Variants in NRXN3 observed in about 807,000 individuals in gnomAD.
NRXN3 encodes neurexin 3, also known as neurexin III.
NRXN3 carries 32 observed loss-of-function variants against 137.6 expected under a neutral mutation model. The observed-to-expected ratio is 0.23, with a 90% CI of 0.18 to 0.31. NRXN3 has a LOEUF of 0.31. Ranked by LOEUF, NRXN3 falls within the 10% of genes least tolerant of loss-of-function variation. NRXN3 has a pLI of 1.00. For synonymous variants in NRXN3, 798 were observed against 784.5 expected (o/e 1.02, Z -0.29); for missense variants, 1,574 against 2,062.5 (o/e 0.76, Z 4.59).
intron 4 of NRXN3, among the ~76,000 whole-genome samples, chr14:78,387,679 A>G (rs1217293444): frequency 6.6e-6 from 1 of 152,202 alleles, no homozygotes; most frequent in East Asian, 1.9e-4. Flanking sequence ...CTTTCTTGCC[A>G]TCTTCCATCC....
intron 10 of NRXN3, among the ~76,000 whole-genome samples, chr14:78,824,784 T>C (rs993270806): frequency 6.6e-6 from 1 of 152,154 alleles, no homozygotes; most frequent in Non-Finnish European, 1.5e-5. Context: ...TATTTCATTG[T>C]ACATTTAGAA....
At chr14:79,832,069 G>A (rs943221565) in intron 20 of NRXN3, among the ~76,000 whole-genome samples, 2 of 152,082 alleles carry the variant, frequency 1.3e-5, no homozygotes, top group African/African-American at 4.8e-5. Flanking sequence ...GGTGCAGTGT[G>A]TACATATAAC....
chr14:79,631,438 C>T (rs986417240), intron 16 of NRXN3, among the ~76,000 whole-genome samples: 3 of 152,208 alleles, frequency 2.0e-5, no homozygotes, highest in Non-Finnish European at 4.4e-5. Context: ...CCTCTGCTGG[C>T]GGGGAGGTGT....
chr14:79,851,655 G>A (rs986926043), intron 20 of NRXN3, among the ~76,000 whole-genome samples: 7 of 152,030 alleles, frequency 4.6e-5, no homozygotes, highest in Admixed American at 2.6e-4. Context: ...TTTGTGGTTC[G>A]CCTACCTGGG....
intron 4 of NRXN3, among the ~76,000 whole-genome samples, chr14:78,410,361 C>G (rs6574441): frequency 0.43 from 65,145 of 152,050 alleles, 14,253 homozygotes; most frequent in Middle Eastern, 0.6. Context: ...TCTATAATAC[C>G]TATGTTTCCT....
At chr14:79,631,435 TGGCGGGGA>T (rs956283562) in intron 16 of NRXN3, among the ~76,000 whole-genome samples, 3 of 152,216 alleles carry the variant, frequency 2.0e-5, no homozygotes, top group Admixed American at 1.3e-4. Flanking sequence ...TGCCCTCTGC[TGGCGGGGA>T]GGTGTGGAGA....
intron 16 of NRXN3, among the ~76,000 whole-genome samples, chr14:79,660,214 A>G (rs2098526935): frequency 6.6e-6 from 1 of 152,174 alleles, no homozygotes; most frequent in Admixed American, 6.6e-5. Context: ...GGGCAACTCT[A>G]TGGGTATTCG....
intron 10 of NRXN3, among the ~76,000 whole-genome samples, chr14:78,835,316 A>G (rs1002566703): frequency 6.6e-6 from 1 of 152,144 alleles, no homozygotes; most frequent in Non-Finnish European, 1.5e-5. Flanking sequence ...GCTGAAACGG[A>G]TTCGACCAGC....
chr14:79,728,543 G>T (rs370892104), intron 19 of NRXN3, among the ~76,000 whole-genome samples: 1 of 152,218 alleles, frequency 6.6e-6, no homozygotes, highest in Non-Finnish European at 1.5e-5. Context: ...GCAGCAGGAA[G>T]ACTTTGAAGG....
intron 15 of NRXN3, among the ~76,000 whole-genome samples, chr14:79,104,731 T>C (rs2052047881): frequency 6.6e-6 from 1 of 152,162 alleles, no homozygotes; most frequent in Non-Finnish European, 1.5e-5. Flanking sequence ...TAATCATCAC[T>C]TTCCTATTTA....
intron 15 of NRXN3, among the ~76,000 whole-genome samples, chr14:79,412,650 AC>A (rs1192989312): frequency 6.6e-6 from 1 of 151,266 alleles, no homozygotes; most frequent in Non-Finnish European, 1.5e-5. Flanking sequence ...AGGGGTGGTG[AC>A]CTGTAATCCC....
In NRXN3 at chr14:78,709,548, A is replaced by G; in HGVS notation, c.1553A>G (p.Tyr518Cys). The change falls in exon 7 of 21, where the codon TAC becomes TGC. Residue 518 changes from tyrosine to cysteine, a missense_variant. Physicochemically the swap from Tyr to Cys is radical, Grantham distance 194. This residue lies in a region of NRXN3 where 718 missense variants were observed against 887.6 expected (regional missense o/e 0.81). Coordinates refer to ENST00000335750, the MANE Select transcript of NRXN3 (RefSeq NM_001330195.2). ...GTGGAACTCCTCGATGGCAACCTGT[A>G]CTTGCTGCTTGACATGGGCTCTGGC... Reference protein sequence around the residue: ...FAVELLDGNLYLLLDMGSGTI... With the variant: ...FAVELLDGNLCLLLDMGSGTI... The G allele has an allele frequency of 6.2e-7, 1 of 1,614,080 alleles. No homozygotes were observed. Among genetic ancestry groups the G allele is most frequent in the Non-Finnish European group, 8.5e-7 (1 of 1,180,012 alleles).
chr14:79,358,399 T>C (rs2093507211), intron 15 of NRXN3, among the ~76,000 whole-genome samples: 1 of 150,556 alleles, frequency 6.6e-6, no homozygotes, highest in African/African-American at 2.4e-5. Context: ...TGAAACCCCG[T>C]CTCTACTAAA....
At chr14:78,247,934 A>G (rs913185630) in intron 2 of NRXN3, among the ~76,000 whole-genome samples, 3 of 152,236 alleles carry the variant, frequency 2.0e-5, no homozygotes, top group African/African-American at 7.2e-5. Flanking sequence ...TTCATTTAGC[A>G]TGAAGTCAGC....
intron 4 of NRXN3, among the ~76,000 whole-genome samples, chr14:78,549,915 C>T (rs537292759): frequency 1.7e-4 from 26 of 152,046 alleles, no homozygotes; most frequent in Admixed American, 2.6e-4. Context: ...CTCCCACTGT[C>T]GATACTTTAT....
At chr14:79,290,870 G>C (rs1304581428) in intron 15 of NRXN3, among the ~76,000 whole-genome samples, 1 of 152,118 alleles carries the variant, frequency 6.6e-6, no homozygotes, top group African/African-American at 2.4e-5. Context: ...AAAGCTGAAA[G>C]TCTCTTATAA....
intron 4 of NRXN3, among the ~76,000 whole-genome samples, chr14:78,544,304 A>G (rs1319400676): frequency 6.6e-6 from 1 of 152,208 alleles, no homozygotes; most frequent in Non-Finnish European, 1.5e-5. Context: ...CACTGAGACC[A>G]TGGTAATCTT....
At chr14:79,531,270 A>G (rs1477444282) in intron 16 of NRXN3, among the ~76,000 whole-genome samples, 1 of 152,182 alleles carries the variant, frequency 6.6e-6, no homozygotes, top group Non-Finnish European at 1.5e-5. Flanking sequence ...AAGTCTAGAT[A>G]TTTGATCCAC....
At chr14:79,628,857 A>T (rs1325374578) in intron 16 of NRXN3, among the ~76,000 whole-genome samples, 1 of 152,202 alleles carries the variant, frequency 6.6e-6, no homozygotes, top group Non-Finnish European at 1.5e-5. Context: ...TTATATTTTG[A>T]GTAATCTCTT....
Sources: gnomAD v4.1 joint callset for allele counts (sites outside exome capture counted in the v4.1 genomes callset) on GRCh38, gnomAD v4.1.1 for gene constraint, gnomAD v4.1.1 regional missense constraint, MANE v1.5 for transcripts, NCBI Gene and HGNC (gene_info 2026-07-23, HGNC 2026-07-21) for gene names.